C1orf167: variants seen among roughly 807,000 people sequenced by gnomAD.
C1orf167 encodes the protein uncharacterized protein C1orf167.
A neutral mutation model predicts 176.5 loss-of-function variants in C1orf167; 153 were observed. That is an observed-to-expected ratio of 0.87 (90% CI 0.76 to 0.99). The LOEUF (loss-of-function observed/expected upper bound fraction) is 0.99, where lower values mean the gene tolerates loss of function less well. C1orf167 is among the 50% of genes least tolerant of loss of function. C1orf167 has a pLI of 0.00. For missense variants in C1orf167, 1,490 were observed against 1,817.7 expected, an observed-to-expected ratio of 0.82 and a Z score of 3.28; for synonymous variants, 594 against 752.7, an observed-to-expected ratio of 0.79 and a Z score of 3.45.
Position 11,788,349 on chromosome 1 carries a change from C to T in C1orf167, c.4049C>T (p.Pro1350Leu). 1 of 1,299,926 alleles carries T rather than the reference C, an allele frequency of 7.7e-7. No homozygotes were observed. The highest frequency in any genetic ancestry group is 1.0e-6 in the Non-Finnish European group (1 of 986,210). 80.5% of individuals were successfully genotyped at this position (1,299,926 alleles called of 1,614,324 possible). ...GGCATGGCAGCACTGGGTGGATGCC[C>T]AAGGGGCAGAGCAGCTGGTGCGGAC... ...GSGMAALGGCPRGRAAGADPA... is the reference protein window; with the variant it reads ...GSGMAALGGCLRGRAAGADPA... Residue 1350 changes from proline to leucine, a missense_variant, in exon 19 of 21, where the codon CCA becomes CTA. Physicochemically the swap from Pro to Leu is moderately conservative, Grantham distance 98. Coordinates refer to ENST00000688073, the MANE Select transcript of C1orf167 (RefSeq NM_001010881.2).
rs1472331457 is a variant in C1orf167 at position 11,779,846 on chromosome 1, G to A, written c.2696G>A (p.Trp899Ter). 1 of 1,303,222 alleles carries A rather than the reference G, an allele frequency of 7.7e-7. No homozygotes were observed. Among genetic ancestry groups the A allele is most frequent in the Non-Finnish European group, 1.0e-6 (1 of 988,902 alleles). 80.7% of individuals were successfully genotyped at this position (1,303,222 alleles called of 1,614,324 possible). The change falls in exon 13 of 21, where the codon TGG (tryptophan) becomes TAG (stop). Residue 899 changes from tryptophan (W) to a stop codon, truncating the protein, a stop_gained. Transcript: ENST00000688073. LOFTEE classifies it high-confidence loss of function. The part of the protein sequence containing the change: ...WSRWATAQWA[W>*]RELASHRAWD... Reference sequence around the variant, plus strand: ...CGCTGGGCAACAGCCCAATGGGCCTGGAGAGAGCTGGCTTCCCACCGGGCC... The same window carrying A: ...CGCTGGGCAACAGCCCAATGGGCCTAGAGAGAGCTGGCTTCCCACCGGGCC...
intron 10 of C1orf167, 95 bp downstream of exon 10, chr1:11,776,733 A>G (rs535756005): frequency 1.0e-5 from 11 of 1,081,388 alleles, no homozygotes; most frequent in African/African-American, 1.7e-5. Context: ...TGCGGGAGGA[A>G]TATCCCATAG....
At chr1:11,776,981 A>C in intron 10 of C1orf167, 1 of 157,468 alleles carries the variant, frequency 6.4e-6, no homozygotes, top group Non-Finnish European at 1.4e-5. Context: ...GGCAGGAACC[A>C]TGTCTGTCTC....
chr1:11,765,053 CAAA>C (rs376686533), intron 2 of C1orf167, among the ~76,000 whole-genome samples: 52 of 67,464 alleles, frequency 7.7e-4, no homozygotes, highest in African/African-American at 2.9e-3. Context: ...GACTCTGTCT[CAAA>C]AAAAAAAAAA....
At position 11,778,973 on chromosome 1, in the gene C1orf167, G is replaced by C; in HGVS notation, c.2544G>C (p.Leu848=). ...CGGACACTCTCCAGGGGAGCCTTCT[G>C]TGGGCAGCTGGGCAGCGGCAGCAGG... ...TLPDTLQGSL[L]WAAGQRQQGQ... is the part of the protein sequence containing the mutation. Residue 848 remains leucine, a synonymous_variant, in exon 12 of 21, where the codon CTG becomes CTC. Transcript: ENST00000688073. The C allele has an allele frequency of 7.7e-7, 1 of 1,303,858 alleles. No homozygotes were observed. Among genetic ancestry groups the C allele is most frequent in the Non-Finnish European group, 1.0e-6 (1 of 988,712 alleles). 80.8% of individuals were successfully genotyped at this position (1,303,858 alleles called of 1,614,324 possible).
intron 1 of C1orf167, among the ~76,000 whole-genome samples, chr1:11,763,823 T>C (rs967717514): frequency 1.3e-5 from 2 of 152,094 alleles, no homozygotes; most frequent in Non-Finnish European, 2.9e-5. Context: ...AGGGGTCAGA[T>C]CCTGGATGCG....
chr1:11,784,797 C>T (rs929812994), intron 15 of C1orf167, among the ~76,000 whole-genome samples: 5 of 152,340 alleles, frequency 3.3e-5, no homozygotes, highest in South Asian at 4.1e-4. Context: ...GTGTCCCCTC[C>T]TTGGGGAAGT....
In C1orf167 at chr1:11,788,306, G is replaced by A. The variant is rs919982559; in HGVS notation, c.4006G>A (p.Gly1336Ser). 2 of 1,303,116 alleles carry A rather than the reference G, an allele frequency of 1.5e-6. No homozygotes were observed. The highest frequency in any genetic ancestry group is 2.0e-6 in the Non-Finnish European group (2 of 988,362). The allele number at this position is 1,303,116 out of a possible 1,614,324, so 80.7% of individuals were successfully genotyped here. A position where few individuals can be genotyped will look rare whatever the true frequency, so the allele number is the denominator to read the frequency against. The change falls in exon 19 of 21, where the codon GGC becomes AGC. Residue 1336 changes from glycine to serine, a missense_variant. Gly to Ser is a moderately conservative substitution (Grantham distance 56). Coordinates refer to ENST00000688073, the MANE Select transcript of C1orf167 (RefSeq NM_001010881.2). Reference sequence around the variant, plus strand: ...TTCACGGGCTGCGGGGTTCCCAGCAGGCCAGGTGCCTGGCAGTGGCATGGC... The same window carrying A: ...TTCACGGGCTGCGGGGTTCCCAGCAAGCCAGGTGCCTGGCAGTGGCATGGC... ...TASRAAGFPA[G>S]QVPGSGMAAL...
chr1:11,763,124 C>A (rs1008390968), intron 1 of C1orf167, among the ~76,000 whole-genome samples: 1 of 152,146 alleles, frequency 6.6e-6, no homozygotes, highest in African/African-American at 2.4e-5. Context: ...TGGGGAGGAC[C>A]ATAACTGGCA....
chr1:11,776,520 C>A lies in C1orf167; in HGVS notation c.2221C>A (p.Gln741Lys). Residue 741 changes from glutamine (Q) to lysine (K), a missense_variant, in exon 10 of 21, where the codon CAG becomes AAG. Transcript: ENST00000688073. ...PGACGLGAVG[Q>K]AQGQQEQGRG... Reference sequence around the variant, plus strand: ...AGCCTGTGGCCTGGGTGCAGTGGGCCAGGCCCAGGGGCAGCAGGAGCAAGG... The same window carrying A: ...AGCCTGTGGCCTGGGTGCAGTGGGCAAGGCCCAGGGGCAGCAGGAGCAAGG... The A allele has an allele frequency of 7.7e-7, 1 of 1,299,240 alleles. No homozygotes were observed. Among genetic ancestry groups the A allele is most frequent in the South Asian group, 1.2e-5 (1 of 80,670 alleles). The allele number at this position is 1,299,240 out of a possible 1,614,324, so 80.5% of individuals were successfully genotyped here.
chr1:11,787,269 G>T, intron 16 of C1orf167, 119 bp from the exon 17 acceptor site: 1 of 371,418 alleles, frequency 2.7e-6, no homozygotes, highest in South Asian at 2.4e-5. Flanking sequence ...CCACATGGGG[G>T]AATGGGTGGA....
rs188179132 is a variant in C1orf167 at position 11,775,503 on chromosome 1, G to A, written c.2057G>A (p.Arg686Gln). Residue 686 changes from arginine (R) to glutamine (Q), a missense_variant, in exon 9 of 21, where the codon CGG becomes CAG. Coordinates refer to ENST00000688073, the MANE Select transcript of C1orf167 (RefSeq NM_001010881.2). ...TACCGAGACCACCTGGCTGACCGCC[G>A]GACGGGGACCCTGAGGAAATGCCTG... Reference protein sequence around the residue: ...SRYRDHLADRRTGTLRKCLEQ... With the variant: ...SRYRDHLADRQTGTLRKCLEQ... 37 of 1,304,218 alleles carry A rather than the reference G, an allele frequency of 2.8e-5. No individual in the cohort carries two copies. Among genetic ancestry groups the A allele is most frequent in the East Asian group, 5.5e-5 (1 of 18,024 alleles). 80.8% of individuals were successfully genotyped at this position (1,304,218 alleles called of 1,614,324 possible).
At position 11,784,590 on chromosome 1, in the gene C1orf167, C is replaced by A. The variant is rs1643753683; in HGVS notation, c.3422C>A (p.Ala1141Asp). 2 of 1,249,130 alleles carry A rather than the reference C, an allele frequency of 1.6e-6. No homozygotes were observed. Among genetic ancestry groups the A allele is most frequent in the Admixed American group, 2.7e-5 (1 of 36,738 alleles). The allele number at this position is 1,249,130 out of a possible 1,614,324, so 77.4% of individuals were successfully genotyped here. A position where few individuals can be genotyped will look rare whatever the true frequency, so the allele number is the denominator to read the frequency against. Residue 1141 changes from alanine to aspartate, a missense_variant, in exon 15 of 21, where the codon GCC (alanine) becomes GAC (aspartate). Ala to Asp is a moderately radical substitution (Grantham distance 126, BLOSUM62 -2). Transcript: ENST00000688073. ...GCCCATGCTTCCTGGAAGCCGCGAGCCTGGTGAGTGCTGTGGTCTAAGTGC... is the reference window on the plus strand; with the variant it reads ...GCCCATGCTTCCTGGAAGCCGCGAGACTGGTGAGTGCTGTGGTCTAAGTGC... ...SRAHASWKPRAWVLEASVQSA... is the reference protein window; with the variant it reads ...SRAHASWKPRDWVLEASVQSA...
chr1:11,788,154 G>T lies in C1orf167; in HGVS notation c.3854G>T (p.Arg1285Leu). ...SKAHKRRLRA[R>L]SCRILEKQAQ... ...GCTGGGCCCTCTCTGGCCAGTGCTC[G>T]TTCCTGCAGGATCCTGGAAAAGCAG... Residue 1285 changes from arginine (R) to leucine (L), a missense_variant, in exon 19 of 21, where the codon CGT becomes CTT. Physicochemically the swap from Arg to Leu is moderately radical, Grantham distance 102. Transcript: ENST00000688073. 7.8e-7 allele frequency: 1 copy of T among 1,286,592 alleles called. No individual in the cohort carries two copies. Among genetic ancestry groups the T allele is most frequent in the Non-Finnish European group, 1.0e-6 (1 of 975,012 alleles). 79.7% of individuals were successfully genotyped at this position (1,286,592 alleles called of 1,614,324 possible).
chr1:11,764,203 T>G (rs111526007), intron 1 of C1orf167, 128 bp from the exon 2 acceptor site: 15 of 369,142 alleles, frequency 4.1e-5, no homozygotes, highest in South Asian at 2.6e-4. Context: ...ACCAGAACAG[T>G]GAGGGGCAGG....
Position 11,788,198 on chromosome 1 carries a change from G to A in C1orf167, c.3898G>A (p.Ala1300Thr), listed in dbSNP as rs928204979. The part of the protein sequence containing the change: ...LEKQAQAHGS[A>T]LLLALKGHDA... ...AAAGCAGGCCCAGGCCCATGGCTCT[G>A]CCCTCCTTCTGGCCCTGAAGGGTCA... The change falls in exon 19 of 21, where the codon GCC becomes ACC. Residue 1300 changes from alanine (A) to threonine (T), a missense_variant. By Grantham distance (58) the Ala-to-Thr change is moderately conservative (BLOSUM62 0). Coordinates refer to ENST00000688073, the MANE Select transcript of C1orf167 (RefSeq NM_001010881.2). 1 of 1,299,206 alleles carries A rather than the reference G, an allele frequency of 7.7e-7. No individual in the cohort carries two copies. The highest frequency in any genetic ancestry group is 1.0e-6 in the Non-Finnish European group (1 of 984,836). 80.5% of individuals were successfully genotyped at this position (1,299,206 alleles called of 1,614,324 possible).
chr1:11,775,882 T>A (rs1643289980), intron 9 of C1orf167, among the ~76,000 whole-genome samples: 1 of 152,170 alleles, frequency 6.6e-6, no homozygotes, highest in African/African-American at 2.4e-5. Context: ...GTATCCTAGA[T>A]CCTGCCCAGA....
Position 11,785,174 on chromosome 1 carries a change from C to T in C1orf167, c.3452C>T (p.Ala1151Val), listed in dbSNP as rs1371508432. The T allele has an allele frequency of 6.0e-5, 78 of 1,291,326 alleles. No individual in the cohort carries two copies. In the Admixed American group the frequency reaches 9.9e-4, roughly 16 times the overall value. The allele number at this position is 1,291,326 out of a possible 1,614,324, so 80.0% of individuals were successfully genotyped here. The change falls in exon 16 of 21, where the codon GCG becomes GTG. Residue 1151 changes from alanine (A) to valine (V), a missense_variant. Coordinates refer to ENST00000688073, the MANE Select transcript of C1orf167 (RefSeq NM_001010881.2). ...AWVLEASVQS[A>V]VRGGVQRAIL... is the part of the protein sequence containing the mutation. The stretch of plus-strand genomic sequence containing the variant: ...GTCCTAGAGGCCTCGGTGCAGTCGG[C>T]GGTGCGCGGCGGTGTCCAGCGAGCC...
Position 11,775,625 on chromosome 1 carries a change from G to C in C1orf167, c.2164+15G>C. The C allele has an allele frequency of 7.7e-7, 1 of 1,294,348 alleles. No homozygotes were observed. Among genetic ancestry groups the C allele is most frequent in the South Asian group, 1.3e-5 (1 of 79,812 alleles). The allele number at this position is 1,294,348 out of a possible 1,614,324, so 80.2% of individuals were successfully genotyped here. On this transcript the variant is annotated intron_variant, in intron 9 of 20. Coordinates refer to ENST00000688073, the MANE Select transcript of C1orf167 (RefSeq NM_001010881.2). ...GCAGAAAGCAGGTGAGCTAGTGTTG[G>C]CTTCCGCCCCAGCAAACCGTGTCAC...
Sources: allele counts gnomAD v4.1 joint callset (sites outside exome capture counted in the v4.1 genomes callset), GRCh38; gene constraint gnomAD v4.1.1; transcripts MANE v1.5; gene names NCBI Gene and HGNC (gene_info 2026-07-23, HGNC 2026-07-21).